The following NDUFB2 variants were observed in gnomAD, a reference collection of about 807,000 sequenced individuals.
NDUFB2 encodes the protein NADH dehydrogenase [ubiquinone] 1 beta subcomplex subunit 2, mitochondrial.
NDUFB2 carries 13 observed loss-of-function variants against 13.4 expected under a neutral mutation model. The ratio of observed to expected loss-of-function variants is 0.97; its 90% CI spans 0.63 to 1.54. The LOEUF is 1.54. Ranked by LOEUF, NDUFB2 falls within the 40% of genes most tolerant of loss-of-function variation. The pLI is 0.00. For missense variants in NDUFB2, 150 were observed against 139.7 expected (o/e 1.07, Z -0.37); for synonymous variants, 47 against 50.6 (o/e 0.93, Z 0.30).
chr7:140,701,629 A>G (rs559953765), intron 1 of NDUFB2, among the ~76,000 whole-genome samples: 21 of 151,628 alleles, frequency 1.4e-4, no homozygotes, highest in Admixed American at 9.2e-4. Flanking sequence ...GACAGAGCCT[A>G]TCTTTAAAAA....
intron 1 of NDUFB2, among the ~76,000 whole-genome samples, chr7:140,701,634 T>TA (rs1359055896): frequency 1.3e-5 from 2 of 151,424 alleles, no homozygotes; most frequent in South Asian, 2.1e-4. Context: ...AGCCTATCTT[T>TA]AAAAAAACAA....
Position 140,697,814 on chromosome 7 carries a change from A to G in NDUFB2, c.98+972A>G, listed in dbSNP as rs555260501. Among the ~76,000 whole-genome samples, 5 of 152,278 alleles carry G rather than the reference A, an allele frequency of 3.3e-5. No individual in the cohort carries two copies. In the South Asian group the frequency reaches 1.0e-3, roughly 32 times the overall value. ...TTGGCGTCCATTTGCAAGGAACTAA[A>G]TGAGTTACTGTTATCTAAAGCGTGT... On this transcript the variant is annotated intron_variant, in intron 1 of 3. Transcript: ENST00000247866.
intron 1 of NDUFB2, chr7:140,698,392 G>A: frequency 8.4e-7 from 1 of 1,191,068 alleles, no homozygotes; most frequent in Non-Finnish European, 1.1e-6. Flanking sequence ...CAGAATACGA[G>A]AGAGAATGAA....
intron 1 of NDUFB2, chr7:140,698,348 T>C: frequency 7.5e-7 from 1 of 1,336,262 alleles, no homozygotes; most frequent in Non-Finnish European, 9.9e-7. Flanking sequence ...GCATCTTCTA[T>C]ATGGCTGCTC....
chr7:140,698,842 T>C (rs1326192074), intron 1 of NDUFB2, among the ~76,000 whole-genome samples: 3 of 152,048 alleles, frequency 2.0e-5, no homozygotes, highest in Admixed American at 6.6e-5. Context: ...AGGAAAGTAA[T>C]GTGGTCTGAT....
chr7:140,705,174 ACTGCAACCTCTGCCTTC>A, intron 3 of NDUFB2: 2 of 309,946 alleles, frequency 6.5e-6, no homozygotes, highest in Non-Finnish European at 1.2e-5. Context: ...ATCTGGGCTC[ACTGCAACCTCTGCCTTC>A]CAGGTTCAAG....
chr7:140,699,030 C>T (rs532038848), intron 1 of NDUFB2, among the ~76,000 whole-genome samples: 51 of 151,938 alleles, frequency 3.4e-4, no homozygotes, highest in Non-Finnish European at 6.0e-4. Flanking sequence ...TGGTAGTGTG[C>T]GCCTGTAATC....
intron 3 of NDUFB2, chr7:140,705,797 T>G (rs1794958893): frequency 6.6e-6 from 1 of 152,202 alleles, no homozygotes; most frequent in Non-Finnish European, 1.5e-5. Flanking sequence ...TCTCAACATT[T>G]AAATAGATCC....
At chr7:140,704,182 T>G (rs1794935433) in intron 2 of NDUFB2, among the ~76,000 whole-genome samples, 1 of 152,170 alleles carries the variant, frequency 6.6e-6, no homozygotes, top group Non-Finnish European at 1.5e-5. Context: ...ATACTTTGAG[T>G]TGTAGTAAAT....
At position 140,704,896 on chromosome 7, in the gene NDUFB2, G is replaced by C; in HGVS notation, c.280G>C (p.Asp94His). ...GTATCCTGATCCTTCCCAGTGGACA[G>C]ATGAAGAATTAGGTATCCCTCCTGA... Reference protein sequence around the residue: ...FPYPDPSQWTDEELGIPPDDE... With the variant: ...FPYPDPSQWTHEELGIPPDDE... Residue 94 changes from aspartate (D) to histidine (H), a missense_variant, in exon 3 of 4, where the codon GAT becomes CAT. By Grantham distance (81) the Asp-to-His change is moderately conservative. Coordinates refer to ENST00000247866, the MANE Select transcript of NDUFB2 (RefSeq NM_004546.3). 4.4e-6 allele frequency: 7 copies of C among 1,606,006 alleles called. No individual in the cohort carries two copies. The highest frequency in any genetic ancestry group is 5.9e-6 in the Non-Finnish European group (7 of 1,176,504).
chr7:140,696,729 G>A lies in NDUFB2; in HGVS notation c.-16G>A, dbSNP rs1321671360. ...GGGCGAGGCGGCTGGGGACCGCGGG[G>A]CGGACGGGAGCGAGTATGTCCGCTC... On this transcript the variant is annotated 5_prime_UTR_variant, in exon 1 of 4. Transcript: ENST00000247866. The A allele has an allele frequency of 6.4e-7, 1 of 1,572,924 alleles. No individual in the cohort carries two copies. The highest frequency in any genetic ancestry group is 2.4e-5 in the East Asian group (1 of 42,216).
chr7:140,697,401 G>A (rs1338059079), intron 1 of NDUFB2: 4 of 702,862 alleles, frequency 5.7e-6, no homozygotes, highest in Non-Finnish European at 1.0e-5. Context: ...GGTGAGAGGA[G>A]CAGAAAGCCG....
In NDUFB2 at chr7:140,696,731, G is replaced by A. The variant is rs200505172; in HGVS notation, c.-14G>A. On this transcript the variant is annotated 5_prime_UTR_variant, in exon 1 of 4. Transcript: ENST00000247866. ...GCGAGGCGGCTGGGGACCGCGGGGC[G>A]GACGGGAGCGAGTATGTCCGCTCTG... 3 of 1,575,772 alleles carry A rather than the reference G, an allele frequency of 1.9e-6. No individual in the cohort carries two copies. The highest frequency in any genetic ancestry group is 1.8e-5 in the Admixed American group (1 of 54,462).
intron 2 of NDUFB2, among the ~76,000 whole-genome samples, chr7:140,703,995 T>G (rs574158439): frequency 6.6e-6 from 1 of 152,226 alleles, no homozygotes; most frequent in South Asian, 2.1e-4. Context: ...GACCTCATGA[T>G]CCACCTGCCT....
At chr7:140,703,443 T>A (rs1302969554) in intron 2 of NDUFB2, among the ~76,000 whole-genome samples, 1 of 152,028 alleles carries the variant, frequency 6.6e-6, no homozygotes, top group Non-Finnish European at 1.5e-5. Context: ...CCGGCTAATT[T>A]TTTTTGTTGT....
chr7:140,706,001 A>ATATTT lies in NDUFB2; in HGVS notation c.*30-539_*30-535dup, dbSNP rs541540376. 66 of 145,112 alleles carry ATATTT rather than the reference A, an allele frequency of 4.5e-4. No individual in the cohort carries two copies. The Middle Eastern group carries it at 0.014, about 31-fold the overall frequency. 9.0% of individuals were successfully genotyped at this position (145,112 alleles called of 1,614,324 possible). On this transcript the variant is annotated intron_variant, in intron 3 of 3. Transcript: ENST00000247866. ...TTTTTATTTAACATGCTTTTATTTT[A>ATATTT]TATTTTATTTTATTTTATTTTATTT...
Position 140,703,078 on chromosome 7 carries a change from T to C in NDUFB2, c.243+68T>C. The C allele has an allele frequency of 3.2e-6, 5 of 1,581,540 alleles. No individual in the cohort carries two copies. The South Asian group carries it at 5.7e-5, about 18-fold the overall frequency. ...AGGGAGGATGTATTAATAGCTTGTT[T>C]ATTTTTCTGTTGTAGACCATTTTTC... On this transcript the variant is annotated intron_variant, in intron 2 of 3. Transcript: ENST00000247866.
At chr7:140,696,883 G>C (rs1013104239) in intron 1 of NDUFB2, 41 bp downstream of exon 1, 6 of 1,540,994 alleles carry the variant, frequency 3.9e-6, no homozygotes, top group African/African-American at 1.4e-5. Flanking sequence ...CCGGCCTGTA[G>C]CGGACAGCGC....
intron 1 of NDUFB2, among the ~76,000 whole-genome samples, chr7:140,700,528 C>T (rs1794882317): frequency 6.6e-6 from 1 of 151,686 alleles, no homozygotes; most frequent in African/African-American, 2.4e-5. Context: ...GTGGCTCACG[C>T]CTATAATCCC....
Sources: gnomAD v4.1 joint callset for allele counts (sites outside exome capture counted in the v4.1 genomes callset) on GRCh38, gnomAD v4.1.1 for gene constraint, MANE v1.5 for transcripts, NCBI Gene and HGNC (gene_info 2026-07-23, HGNC 2026-07-21) for gene names.